DCLK1: variants seen among roughly 807,000 people sequenced by gnomAD.
The protein encoded by DCLK1 is serine/threonine-protein kinase DCLK1.
Under a neutral mutation model 86.2 loss-of-function variants are expected in DCLK1, and 16 were observed. That is an observed-to-expected ratio of 0.19 (90% CI 0.13 to 0.28). DCLK1 has a LOEUF of 0.28. Among genes scored for constraint, DCLK1 ranks in the 10% least tolerant of loss-of-function variants. The pLI, the probability that DCLK1 is intolerant of heterozygous loss-of-function variation, is 1.00. For missense variants in DCLK1, 590 were observed against 940.2 expected (o/e 0.63, Z 4.87); for synonymous variants, 369 against 370.5 (o/e 1.00, Z 0.05).
chr13:35,910,756 A>G (rs1539540), intron 4 of DCLK1, among the ~76,000 whole-genome samples: 143,850 of 152,280 alleles, frequency 0.94, 68,462 homozygotes, highest in East Asian at 1. Context: ...CAGAGAACAG[A>G]CCAGAAATTG....
At chr13:35,850,218 T>TA in intron 6 of DCLK1, 1 of 983,408 alleles carries the variant, frequency 1.0e-6, no homozygotes, top group Non-Finnish European at 1.2e-6. Context: ...TATTTTGTAA[T>TA]AAAAGTACCT....
At chr13:36,018,367 A>T (rs1881623564) in intron 3 of DCLK1, among the ~76,000 whole-genome samples, 1 of 152,240 alleles carries the variant, frequency 6.6e-6, no homozygotes, top group African/African-American at 2.4e-5. Flanking sequence ...CATAAAATTC[A>T]TAAGTTAATT....
rs531750595 is a variant in DCLK1 at position 35,968,213 on chromosome 13, C to T, written c.724-20756G>A. ...TTCATAGAGACAAGAGGTGGAATTA[C>T]GGTTGCCAGGGGCTGGAGTGAGGAG... is the stretch of plus-strand genomic sequence containing the variant. On this transcript the variant is annotated intron_variant, in intron 3 of 16. Coordinates refer to ENST00000360631, the MANE Select transcript of DCLK1 (RefSeq NM_001330071.2). 9.9e-5 allele frequency among the ~76,000 whole-genome samples: 15 copies of T among 152,136 alleles called. No homozygotes were observed. In the South Asian group the frequency reaches 1.2e-3, roughly 13 times the overall value.
intron 3 of DCLK1, among the ~76,000 whole-genome samples, chr13:36,039,768 G>A (rs924044411): frequency 3.3e-5 from 5 of 151,888 alleles, no homozygotes; most frequent in Non-Finnish European, 7.4e-5. Context: ...ATGACTAAGA[G>A]ACATAAATAT....
intron 3 of DCLK1, among the ~76,000 whole-genome samples, chr13:36,056,618 TAAA>T (rs71196600): frequency 2.6e-4 from 28 of 109,768 alleles, no homozygotes; most frequent in African/African-American, 3.6e-4. Context: ...AAGTATAATT[TAAA>T]AAAAAAAAAA....
At chr13:35,967,057 A>C (rs961250344) in intron 3 of DCLK1, among the ~76,000 whole-genome samples, 26 of 150,794 alleles carry the variant, frequency 1.7e-4, no homozygotes, top group African/African-American at 6.4e-4. Context: ...CTAGGAAGTG[A>C]GGAGCGTCTC....
chr13:36,041,477 T>C (rs896605092), intron 3 of DCLK1, among the ~76,000 whole-genome samples: 1 of 152,332 alleles, frequency 6.6e-6, no homozygotes, highest in Non-Finnish European at 1.5e-5. Flanking sequence ...CTTACAGATT[T>C]CACTCACTTC....
rs1171165981 is a variant in DCLK1 at position 35,836,157 on chromosome 13, A to C, written c.1121-16T>G. On this transcript the variant is annotated splice_polypyrimidine_tract_variant and intron_variant, in intron 7 of 16. Transcript: ENST00000360631. The stretch of plus-strand genomic sequence containing the variant: ...TCCGACACTTCTGAAAGAATCATTA[A>C]TACTTTTTTATTGGTTGAAAAGGGA... 2 of 1,587,866 alleles carry C rather than the reference A, an allele frequency of 1.3e-6. No individual in the cohort carries two copies. The highest frequency in any genetic ancestry group is 1.7e-6 in the Non-Finnish European group (2 of 1,163,034).
chr13:35,986,755 C>T (rs1879937210), intron 3 of DCLK1, among the ~76,000 whole-genome samples: 1 of 152,146 alleles, frequency 6.6e-6, no homozygotes, highest in Non-Finnish European at 1.5e-5. Context: ...CCCTCATGGT[C>T]TTCTCAGGCA....
chr13:36,070,141 A>G (rs1883914783), intron 3 of DCLK1, among the ~76,000 whole-genome samples: 1 of 152,356 alleles, frequency 6.6e-6, no homozygotes, highest in Middle Eastern at 3.4e-3. Context: ...AAAAGTTGAA[A>G]AAAAATATGG....
At chr13:35,863,541 A>G (rs370332301) in intron 5 of DCLK1, among the ~76,000 whole-genome samples, 67 of 152,310 alleles carry the variant, frequency 4.4e-4, no homozygotes, top group African/African-American at 1.5e-3. Flanking sequence ...GAAAGGAGAA[A>G]TGGAAGGAGG....
intron 3 of DCLK1, among the ~76,000 whole-genome samples, chr13:36,044,205 T>C (rs991286536): frequency 6.6e-6 from 1 of 152,232 alleles, no homozygotes; most frequent in African/African-American, 2.4e-5. Flanking sequence ...GGAAACTTCT[T>C]GTGGCCTCAC....
intron 4 of DCLK1, among the ~76,000 whole-genome samples, chr13:35,874,929 C>T (rs1299728604): frequency 1.3e-5 from 2 of 152,222 alleles, no homozygotes; most frequent in Non-Finnish European, 2.9e-5. Flanking sequence ...GCCACAATGT[C>T]GCCGGCCCAT....
At chr13:36,089,445 C>A (rs1043703737) in intron 3 of DCLK1, among the ~76,000 whole-genome samples, 1 of 152,138 alleles carries the variant, frequency 6.6e-6, no homozygotes, top group Admixed American at 6.6e-5. Flanking sequence ...CAAGTTCAGC[C>A]CATGTTTCTT....
intron 14 of DCLK1, among the ~76,000 whole-genome samples, chr13:35,806,246 T>C (rs2087025099): frequency 1.3e-5 from 2 of 152,156 alleles, no homozygotes; most frequent in Non-Finnish European, 2.9e-5. Flanking sequence ...AAGAAAGGTA[T>C]GAGGAAAGAC....
chr13:35,889,479 T>G (rs1043843703), intron 4 of DCLK1, among the ~76,000 whole-genome samples: 1 of 152,134 alleles, frequency 6.6e-6, no homozygotes, highest in African/African-American at 2.4e-5. Flanking sequence ...CTTTTTAAAG[T>G]GTAGGACCCA....
Position 35,927,450 on chromosome 13 carries a change from T to C in DCLK1, c.823+19908A>G, listed in dbSNP as rs1445501144. Reference sequence around the variant, plus strand: ...AGCTAGTCATTTTGCCTTTCTCTGTTTGCAAAGATCCAAAGTCTCTGATAA... The same window carrying C: ...AGCTAGTCATTTTGCCTTTCTCTGTCTGCAAAGATCCAAAGTCTCTGATAA... On this transcript the variant is annotated intron_variant, in intron 4 of 16. Transcript: ENST00000360631. Among the ~76,000 whole-genome samples the C allele has an allele frequency of 1.3e-5, 2 of 152,220 alleles. 1 individual carries two copies. The highest frequency in any genetic ancestry group is 3.9e-4 in the East Asian group (2 of 5,184).
intron 3 of DCLK1, among the ~76,000 whole-genome samples, chr13:36,001,238 G>A (rs964761369): frequency 2.6e-5 from 4 of 152,162 alleles, no homozygotes; most frequent in Non-Finnish European, 5.9e-5. Flanking sequence ...GTGAGCCACC[G>A]CGCCTGGCCG....
intron 3 of DCLK1, among the ~76,000 whole-genome samples, chr13:35,996,180 C>T (rs1445825155): frequency 1.3e-5 from 2 of 152,192 alleles, no homozygotes; most frequent in African/African-American, 4.8e-5. Context: ...CTACCCGCCT[C>T]GGCCTCCCAA....
Sources: allele counts gnomAD v4.1 joint callset (sites outside exome capture counted in the v4.1 genomes callset), GRCh38; gene constraint gnomAD v4.1.1; transcripts MANE v1.5; gene names NCBI Gene and HGNC (gene_info 2026-07-23, HGNC 2026-07-21).